The following DZIP1 variants were observed in gnomAD, a reference collection of about 807,000 sequenced individuals.
DZIP1 encodes cilium assembly protein DZIP1.
A neutral mutation model predicts 107.6 loss-of-function variants in DZIP1; 97 were observed. The observed-to-expected ratio is 0.90, with a 90% CI of 0.77 to 1.07. DZIP1 has a LOEUF of 1.07. DZIP1 is among the 50% of genes least tolerant of loss of function. The probability of loss-of-function intolerance (pLI) is 0.00; values close to 1 mark genes in which losing one functional copy is unlikely to be tolerated. For synonymous variants in DZIP1, 390 were observed against 386.4 expected, an observed-to-expected ratio of 1.01 and a Z score of -0.11; for missense variants, 1,035 against 1,063.6, an observed-to-expected ratio of 0.97 and a Z score of 0.37.
intron 18 of DZIP1, 88 bp downstream of exon 18, chr13:95,589,715 T>G: frequency 2.0e-6 from 3 of 1,495,576 alleles, no homozygotes; most frequent in Non-Finnish European, 2.7e-6. Flanking sequence ...TAAATTTCTG[T>G]GAAGCCACCC....
intron 14 of DZIP1, among the ~76,000 whole-genome samples, chr13:95,605,511 T>C (rs2044746962): frequency 6.6e-6 from 1 of 152,366 alleles, no homozygotes; most frequent in East Asian, 1.9e-4. Flanking sequence ...TTTCACCCAG[T>C]GGTTCCTACC....
chr13:95,603,006 A>G (rs2044663711), intron 14 of DZIP1, among the ~76,000 whole-genome samples: 1 of 152,158 alleles, frequency 6.6e-6, no homozygotes, highest in Non-Finnish European at 1.5e-5. Context: ...AAAACATAAT[A>G]ATAATTGTAA....
chr13:95,612,544 C>T (rs116755784), intron 10 of DZIP1, among the ~76,000 whole-genome samples: 251 of 152,304 alleles, frequency 1.6e-3, no homozygotes, highest in African/African-American at 5.6e-3. Context: ...TTCCGATGCC[C>T]ACATGGGCCA....
chr13:95,612,178 C>T lies in DZIP1; in HGVS notation c.1174-1G>A, dbSNP rs1330883697. On this transcript the variant is annotated splice_acceptor_variant, in intron 10 of 22. Coordinates refer to ENST00000376829, the MANE Select transcript of DZIP1 (RefSeq NM_198968.4). LOFTEE classifies it high-confidence loss of function. Reference sequence around the variant, plus strand: ...GAAGTTTCTCTATATGTGACAGGAGCTGAAAAAAAGTTAAGAAAGGCATCC... The same window carrying T: ...GAAGTTTCTCTATATGTGACAGGAGTTGAAAAAAAGTTAAGAAAGGCATCC... 2.5e-6 allele frequency: 4 copies of T among 1,605,042 alleles called. No homozygotes were observed. Among genetic ancestry groups the T allele is most frequent in the Non-Finnish European group, 3.4e-6 (4 of 1,178,452 alleles).
At chr13:95,618,004 G>A (rs1372003818) in intron 10 of DZIP1, 1 of 519,036 alleles carries the variant, frequency 1.9e-6, no homozygotes, top group Admixed American at 1.9e-5. Context: ...CTTCATCTTA[G>A]GCATGTCGCA....
intron 19 of DZIP1, 42 bp downstream of exon 19, chr13:95,589,112 A>T: frequency 6.6e-7 from 1 of 1,517,756 alleles, no homozygotes; most frequent in Non-Finnish European, 9.1e-7. Flanking sequence ...GTTCAGTGAA[A>T]ATAATTTTTT....
At position 95,641,783 on chromosome 13, in the gene DZIP1, C is replaced by T. The variant is rs1566441513; in HGVS notation, c.109G>A (p.Ala37Thr). Reference protein sequence around the residue: ...EGPDVAVAAAAAGAASMACAP... With the variant: ...EGPDVAVAAATAGAASMACAP... ...CAGGCCATGGAGGCCGCACCCGCGGCGGCGGCGGCCACAGCGACGTCGGGC... is the reference window on the plus strand; with the variant it reads ...CAGGCCATGGAGGCCGCACCCGCGGTGGCGGCGGCCACAGCGACGTCGGGC... The change falls in exon 5 of 23, where the codon GCC becomes ACC. Residue 37 changes from alanine (A) to threonine (T), a missense_variant. Transcript: ENST00000376829. This position sits in a 1 kb window ranked among gnomAD's most constrained non-coding sequence, Gnocchi z 4.3. The T allele has an allele frequency of 2.6e-6, 4 of 1,525,090 alleles. No individual in the cohort carries two copies. Among genetic ancestry groups the T allele is most frequent in the Non-Finnish European group, 3.5e-6 (4 of 1,148,124 alleles). The allele number at this position is 1,525,090 out of a possible 1,614,324, so 94.5% of individuals were successfully genotyped here.
In DZIP1 at chr13:95,633,537, G is replaced by A. The variant is rs138421099; in HGVS notation, c.598-216C>T. ...ATCTCCACAAAAAAATACAAAATTA[G>A]GTATAGTGGCATGTGCCTGTAGTCC... is the stretch of plus-strand genomic sequence containing the variant. On this transcript the variant is annotated intron_variant, in intron 5 of 22. Coordinates refer to ENST00000376829, the MANE Select transcript of DZIP1 (RefSeq NM_198968.4). 4.4e-3 allele frequency among the ~76,000 whole-genome samples: 661 copies of A among 151,952 alleles called. 9 individuals are homozygous for A. The highest frequency in any genetic ancestry group is 0.015 in the African/African-American group (630 of 41,420).
intron 16 of DZIP1, among the ~76,000 whole-genome samples, chr13:95,592,053 G>A (rs1013179580): frequency 5.9e-5 from 9 of 152,154 alleles, no homozygotes; most frequent in Non-Finnish European, 7.4e-5. Context: ...AATGTATATA[G>A]GGATTTCTTA....
At chr13:95,594,771 A>G (rs2044398924) in intron 15 of DZIP1, among the ~76,000 whole-genome samples, 1 of 152,236 alleles carries the variant, frequency 6.6e-6, no homozygotes, top group South Asian at 2.1e-4. Context: ...CAAAAGTCTT[A>G]GCAAAAGTGT....
rs1000640021 is a variant in DZIP1 at position 95,583,555 on chromosome 13, TA to T, written c.2524+1180del. On this transcript the variant is annotated intron_variant, in intron 22 of 22. Coordinates refer to ENST00000376829, the MANE Select transcript of DZIP1 (RefSeq NM_198968.4). Reference sequence around the variant, plus strand: ...ACAAAAAAATTACAATTTTCTAATTTAAAAAAAAATTACTAAGTTATTGGGC... The same window carrying T: ...ACAAAAAAATTACAATTTTCTAATTTAAAAAAAATTACTAAGTTATTGGGC... Among the ~76,000 whole-genome samples, 350 of 151,816 alleles carry T rather than the reference TA, an allele frequency of 2.3e-3. 1 individual carries two copies. The highest frequency in any genetic ancestry group is 0.02 in the Middle Eastern group (6 of 294).
intron 5 of DZIP1, among the ~76,000 whole-genome samples, chr13:95,637,731 T>A (rs1877990633): frequency 6.6e-6 from 1 of 151,908 alleles, no homozygotes; most frequent in South Asian, 2.1e-4. Context: ...CCAGGAACCA[T>A]CCCTGTTGAC....
chr13:95,623,776 T>A (rs1876197116), intron 8 of DZIP1, among the ~76,000 whole-genome samples: 1 of 152,014 alleles, frequency 6.6e-6, no homozygotes, highest in African/African-American at 2.4e-5. Flanking sequence ...CCGTCTCTAC[T>A]AAAAATACAA....
At chr13:95,584,362 G>A (rs7999322) in intron 22 of DZIP1, among the ~76,000 whole-genome samples, 47,175 of 151,468 alleles carry the variant, frequency 0.31, 7,619 homozygotes, top group Middle Eastern at 0.35. Flanking sequence ...CTGGGAGGCC[G>A]AAGTGGGAGG....
intron 19 of DZIP1, among the ~76,000 whole-genome samples, chr13:95,588,308 C>T (rs1221792145): frequency 1.3e-5 from 2 of 152,184 alleles, no homozygotes; most frequent in Non-Finnish European, 2.9e-5. Context: ...AAATAATGCT[C>T]TTCCTATGAG....
chr13:95,605,960 T>C, intron 14 of DZIP1, 43 bp downstream of exon 14: 2 of 1,591,094 alleles, frequency 1.3e-6, no homozygotes, highest in Non-Finnish European at 1.7e-6. Context: ...CAACTCAGGG[T>C]GGCAACTGCA....
rs1442330820 is a variant in DZIP1 at position 95,624,767 on chromosome 13, C to A, written c.972+1G>T. 1 of 1,591,212 alleles carries A rather than the reference C, an allele frequency of 6.3e-7. No individual in the cohort carries two copies. On this transcript the variant is annotated splice_donor_variant, in intron 8 of 22. Coordinates refer to ENST00000376829, the MANE Select transcript of DZIP1 (RefSeq NM_198968.4). LOFTEE classifies it high-confidence loss of function. ...TAAGAACTTCTAGGTTTAATACTTA[C>A]ATATTCTAATGCTGAATTCTTCGAA...
At chr13:95,642,804 G>T (rs1412402861) in intron 3 of DZIP1, among the ~76,000 whole-genome samples, 4 of 151,934 alleles carry the variant, frequency 2.6e-5, no homozygotes, top group Non-Finnish European at 5.9e-5. Flanking sequence ...TTGATGGCAG[G>T]CTTTCTAGAT....
chr13:95,629,020 A>G (rs1876882879), intron 7 of DZIP1, among the ~76,000 whole-genome samples: 1 of 152,238 alleles, frequency 6.6e-6, no homozygotes, highest in African/African-American at 2.4e-5. Flanking sequence ...TTATAGGTAT[A>G]TTACAATTTA....
Sources: allele counts gnomAD v4.1 joint callset (sites outside exome capture counted in the v4.1 genomes callset), GRCh38; gene constraint gnomAD v4.1.1; non-coding constraint Gnocchi (gnomAD v3.1); transcripts MANE v1.5; gene names NCBI Gene and HGNC (gene_info 2026-07-23, HGNC 2026-07-21).